CNBD1: variants seen among roughly 807,000 people sequenced by gnomAD.
CNBD1 encodes cyclic nucleotide-binding domain-containing protein 1.
CNBD1 carries 71 observed loss-of-function variants against 54.4 expected under a neutral mutation model. The ratio of observed to expected loss-of-function variants is 1.30; its 90% confidence interval spans 1.08 to 1.59. The LOEUF (loss-of-function observed/expected upper bound fraction) is 1.59, where lower values mean the gene tolerates loss of function less well. Ranked by LOEUF, CNBD1 falls within the 40% of genes most tolerant of loss-of-function variation. The probability of loss-of-function intolerance (pLI) is 0.00; values close to 1 mark genes in which losing one functional copy is unlikely to be tolerated. For synonymous variants in CNBD1, 182 were observed against 170.7 expected (o/e 1.07, Z -0.51); for missense variants, 659 against 518.0 (o/e 1.27, Z -2.64).
At chr8:87,368,897 T>C (rs1810699791) in intron 10 of CNBD1, among the ~76,000 whole-genome samples, 1 of 151,838 alleles carries the variant, frequency 6.6e-6, no homozygotes, top group South Asian at 2.1e-4. Context: ...CAGGCCCGCT[T>C]CCAAATGTCA....
intron 2 of CNBD1, among the ~76,000 whole-genome samples, chr8:87,389,352 C>T (rs1811260030): frequency 6.6e-6 from 1 of 152,080 alleles, no homozygotes. Flanking sequence ...CTAGAAAACC[C>T]CAGCGTCTCA....
At chr8:87,376,402 G>A (rs112988064) in intron 10 of CNBD1, among the ~76,000 whole-genome samples, 2,872 of 151,902 alleles carry the variant, frequency 0.019, 92 homozygotes, top group African/African-American at 0.063. Flanking sequence ...TTACTTGCCA[G>A]AAGAAACCTA....
At chr8:87,253,459 G>A (rs752152147) in intron 6 of CNBD1, among the ~76,000 whole-genome samples, 10 of 152,094 alleles carry the variant, frequency 6.6e-5, no homozygotes, top group South Asian at 2.1e-4. Context: ...TAGAAAGCAC[G>A]TCCACCTTTC....
chr8:87,407,478 CT>C (rs556141503), intron 2 of CNBD1, among the ~76,000 whole-genome samples: 133 of 152,028 alleles, frequency 8.7e-4, no homozygotes, highest in African/African-American at 3.1e-3. Flanking sequence ...CTAGTTAATG[CT>C]TTTATTGCAT....
rs374964450 is a variant in CNBD1 at position 87,423,548 on chromosome 8, C to T, written c.214-4998C>T. Among the ~76,000 whole-genome samples, 1,185 of 150,570 alleles carry T rather than the reference C, an allele frequency of 7.9e-3. 35 individuals are homozygous for T. In the East Asian group the frequency reaches 0.083, roughly 10 times the overall value. ...ATTGAGATAATCATGTGGTTTCTGT[C>T]TTTGGCTCTGTTTATATGCTGGATT... On this transcript the variant is annotated intron_variant, in intron 2 of 7. Coordinates refer to the CNBD1 transcript ENST00000521593.
chr8:87,245,688 A>G (rs1284175585), intron 6 of CNBD1, among the ~76,000 whole-genome samples: 3 of 152,020 alleles, frequency 2.0e-5, no homozygotes, highest in Non-Finnish European at 4.4e-5. Flanking sequence ...GCCTTCTGTG[A>G]AGCGCCTGAT....
At chr8:86,964,689 G>A (rs954674737) in intron 4 of CNBD1, among the ~76,000 whole-genome samples, 1 of 152,084 alleles carries the variant, frequency 6.6e-6, no homozygotes, top group South Asian at 2.1e-4. Context: ...TGCCTAAAAT[G>A]ACTTCTAAGA....
At chr8:86,890,358 C>T (rs1186020229) in intron 2 of CNBD1, among the ~76,000 whole-genome samples, 3 of 152,016 alleles carry the variant, frequency 2.0e-5, no homozygotes, top group Non-Finnish European at 4.4e-5. Flanking sequence ...TCTTTCGGTG[C>T]CTGCTCTATC....
At chr8:87,305,819 G>A (rs546802753) in intron 8 of CNBD1, among the ~76,000 whole-genome samples, 2 of 151,954 alleles carry the variant, frequency 1.3e-5, no homozygotes, top group Non-Finnish European at 2.9e-5. Context: ...ATAACATCAG[G>A]AAAACCCTTC....
chr8:87,368,076 TG>T (rs1436140977), intron 10 of CNBD1, among the ~76,000 whole-genome samples: 1 of 151,694 alleles, frequency 6.6e-6, no homozygotes, highest in East Asian at 2.0e-4. Flanking sequence ...GCAGGAGAAT[TG>T]CTTGAACCCA....
At chr8:87,305,485 A>C (rs2130886162) in intron 8 of CNBD1, among the ~76,000 whole-genome samples, 1 of 152,320 alleles carries the variant, frequency 6.6e-6, no homozygotes, top group African/African-American at 2.4e-5. Flanking sequence ...CTGAGGCATC[A>C]CACTACCTGA....
chr8:87,067,474 G>A (rs1025252767), intron 4 of CNBD1, among the ~76,000 whole-genome samples: 1 of 151,800 alleles, frequency 6.6e-6, no homozygotes, highest in African/African-American at 2.4e-5. Context: ...TTTGATTTTT[G>A]AAGATGTTGT....
At chr8:87,263,915 A>G (rs1808194837) in intron 6 of CNBD1, among the ~76,000 whole-genome samples, 1 of 152,192 alleles carries the variant, frequency 6.6e-6, no homozygotes, top group Admixed American at 6.6e-5. Context: ...GTTCACAAAT[A>G]TCAAATCTTA....
chr8:87,428,556 A>C, exon 3 of CNBD1: 1 of 453,436 alleles, frequency 2.2e-6, no homozygotes, highest in South Asian at 1.6e-5. Context: ...AATTAGACCC[A>C]GTGACCAAGC....
chr8:87,328,405 A>T (rs957365522), intron 8 of CNBD1, among the ~76,000 whole-genome samples: 2 of 151,682 alleles, frequency 1.3e-5, no homozygotes, highest in Non-Finnish European at 2.9e-5. Flanking sequence ...ATAATTTTTT[A>T]AATTATGTTT....
rs71275890 is a variant in CNBD1, at chr8:86,870,189, C to CTTTTT, written c.88+3617_88+3621dup. On this transcript the variant is annotated intron_variant, in intron 1 of 10. Transcript: ENST00000518476. The stretch of plus-strand genomic sequence containing the variant: ...AGAAATTTAGAAACAAGATAGTACT[C>CTTTTT]TTTTTTTTTTTTTTTCTGAGACGGA... Among the ~76,000 whole-genome samples, 17 of 100,604 alleles carry CTTTTT rather than the reference C, an allele frequency of 1.7e-4. 1 individual carries two copies. The highest frequency in any genetic ancestry group is 6.0e-4 in the Admixed American group (5 of 8,272). 66.0% of individuals were successfully genotyped at this position (100,604 alleles called of 152,430 possible).
chr8:87,141,098 C>G (rs2130738331), intron 4 of CNBD1, among the ~76,000 whole-genome samples: 1 of 152,258 alleles, frequency 6.6e-6, no homozygotes, highest in Admixed American at 6.5e-5. Context: ...GTGCAGTTCA[C>G]ACATGGTATT....
Position 87,274,105 on chromosome 8 carries a change from A to AT in CNBD1, c.772-10567dup, listed in dbSNP as rs891156873. Among the ~76,000 whole-genome samples the AT allele has an allele frequency of 5.7e-4, 86 of 152,074 alleles. 1 individual carries two copies. The highest frequency in any genetic ancestry group is 1.7e-3 in the African/African-American group (72 of 41,506). On this transcript the variant is annotated intron_variant, in intron 6 of 10. Coordinates refer to ENST00000518476, the MANE Select transcript of CNBD1 (RefSeq NM_173538.3). ...TCCCTACAAAAGACATGAGCTCATC[A>AT]TTTTTTATGGCTGCATAGTATTCCA...
At chr8:87,105,327 A>T (rs1431144032) in intron 4 of CNBD1, among the ~76,000 whole-genome samples, 2 of 152,186 alleles carry the variant, frequency 1.3e-5, no homozygotes, top group African/African-American at 4.8e-5. Context: ...ATTAAAATAG[A>T]TATTAGTGAA....
Sources: allele counts gnomAD v4.1 joint callset (sites outside exome capture counted in the v4.1 genomes callset), GRCh38; gene constraint gnomAD v4.1.1; transcripts MANE v1.5; gene names NCBI Gene and HGNC (gene_info 2026-07-23, HGNC 2026-07-21).